Variants in CCNB3 observed in about 807,000 individuals in gnomAD.
CCNB3 encodes G2/mitotic-specific cyclin-B3.
A neutral mutation model predicts 68.0 loss-of-function variants in CCNB3; 12 were observed. That is an observed-to-expected ratio of 0.18 (90% CI 0.11 to 0.29). CCNB3 has a LOEUF of 0.29. Among genes scored for constraint, CCNB3 ranks in the 10% least tolerant of loss-of-function variants. The probability of loss-of-function intolerance (pLI) is 1.00; values close to 1 mark genes in which losing one functional copy is unlikely to be tolerated. For missense variants in CCNB3, 904 were observed against 993.1 expected (o/e 0.91, Z 1.21); for synonymous variants, 354 against 388.9 (o/e 0.91, Z 1.06).
chrX:50,309,291 C>T lies in CCNB3; in HGVS notation c.1122C>T (p.Ser374=). ...KESLAFKKKP[S]TEEAIMMPVI... is the part of the protein sequence containing the mutation. ...CGTTAGCCTTTAAGAAGAAGCCTAG[C>T]ACTGAGGAGGCAATCATGATGCCAG... Residue 374 remains serine, a synonymous_variant, in exon 6 of 13, where the codon AGC becomes AGT. Coordinates refer to ENST00000376042, the MANE Select transcript of CCNB3 (RefSeq NM_033031.3). The T allele has an allele frequency of 8.3e-7, 1 of 1,211,232 alleles. No individual in the cohort carries two copies.
At position 50,227,676 on chromosome X, in the gene CCNB3, AAT is replaced by A. The variant is rs1351753326; in HGVS notation, c.-113+22736_-113+22737del. Among the ~76,000 whole-genome samples, 289 of 95,563 alleles carry A rather than the reference AAT, an allele frequency of 3.0e-3. 2 individuals carry two copies. Among genetic ancestry groups the A allele is most frequent in the African/African-American group, 9.7e-3 (262 of 27,029 alleles). The allele number at this position is 95,563 out of a possible 115,157, so 83.0% of individuals were successfully genotyped here. On this transcript the variant is annotated intron_variant, in intron 1 of 12. Coordinates refer to ENST00000376042, the MANE Select transcript of CCNB3 (RefSeq NM_033031.3). ...TATATATAAAAATATATATAGAGAG[AAT>A]ATATATATAAATATATATAGAGAGA...
At chrX:50,299,586 G>A (rs1410071053) in intron 5 of CCNB3, among the ~76,000 whole-genome samples, 1 of 111,153 alleles carries the variant, frequency 9.0e-6, no homozygotes, top group Non-Finnish European at 1.9e-5. Context: ...GTGTGGTGTG[G>A]TGCTGAAAAG....
intron 4 of CCNB3, among the ~76,000 whole-genome samples, chrX:50,293,556 A>C (rs1428274916): frequency 9.0e-6 from 1 of 111,581 alleles, no homozygotes; most frequent in Non-Finnish European, 1.9e-5. Flanking sequence ...ATGCAGCTTC[A>C]ATTTCAATAC....
chrX:50,211,253 A>G, intron 1 of CCNB3, among the ~76,000 whole-genome samples: 1 of 111,308 alleles, frequency 9.0e-6, no homozygotes, highest in Non-Finnish European at 1.9e-5. Context: ...ACAGAGCAAG[A>G]CTCTGTCTCA....
chrX:50,322,983 G>C (rs374459188), intron 8 of CCNB3, among the ~76,000 whole-genome samples: 1 of 111,574 alleles, frequency 9.0e-6, no homozygotes, highest in African/African-American at 3.3e-5. Flanking sequence ...ACTGTAAACT[G>C]GTTCAACCAT....
At chrX:50,287,095 TATAACAGCTCTCTGACAC>T (rs1355256653) in intron 3 of CCNB3, among the ~76,000 whole-genome samples, 1 of 112,277 alleles carries the variant, frequency 8.9e-6, no homozygotes, top group African/African-American at 3.2e-5. Flanking sequence ...TGCTTCACAT[TATAACAGCTCTCTGACAC>T]AGGTAGGGCG....
chrX:50,312,474 G>A, intron 6 of CCNB3, 63 bp from the exon 7 acceptor site: 3 of 871,396 alleles, frequency 3.4e-6, no homozygotes. Flanking sequence ...TCATTGATAT[G>A]TATGTGCTAA....
intron 1 of CCNB3, among the ~76,000 whole-genome samples, chrX:50,279,922 T>G (rs1936081722): frequency 1.2e-5 from 1 of 86,413 alleles, no homozygotes; most frequent in African/African-American, 4.5e-5. Flanking sequence ...AAAATATATA[T>G]AGAATAAATA....
At chrX:50,351,413 T>C in intron 12 of CCNB3, 42 bp downstream of exon 12, 1 of 1,197,094 alleles carries the variant, frequency 8.4e-7, no homozygotes, top group Non-Finnish European at 1.1e-6. Flanking sequence ...TGTGTTCATT[T>C]ATTGGGAGGC....
intron 8 of CCNB3, among the ~76,000 whole-genome samples, chrX:50,325,913 T>TA (rs1299268633): frequency 9.0e-6 from 1 of 111,453 alleles, no homozygotes; most frequent in Non-Finnish European, 1.9e-5. Flanking sequence ...GTTTTTTTTT[T>TA]ATTATCCTTT....
At chrX:50,340,478 A>G (rs968731799) in intron 8 of CCNB3, among the ~76,000 whole-genome samples, 1 of 112,225 alleles carries the variant, frequency 8.9e-6, no homozygotes, top group African/African-American at 3.2e-5. Context: ...ATCACTGAAG[A>G]TTGGATGGGA....
intron 2 of CCNB3, 74 bp downstream of exon 2, chrX:50,284,690 G>T: frequency 8.0e-6 from 1 of 125,014 alleles, no homozygotes; most frequent in Non-Finnish European, 1.6e-5. Flanking sequence ...AAGAACATTG[G>T]CTCTACCAGC....
chrX:50,280,409 T>C (rs1490418109), intron 1 of CCNB3, among the ~76,000 whole-genome samples: 1 of 107,968 alleles, frequency 9.3e-6, no homozygotes, highest in Admixed American at 1.0e-4. Flanking sequence ...ATGAAATGAA[T>C]GAGATATTGA....
intron 1 of CCNB3, among the ~76,000 whole-genome samples, chrX:50,220,987 C>T (rs1935662484): frequency 9.0e-6 from 1 of 111,151 alleles, no homozygotes; most frequent in African/African-American, 3.3e-5. Context: ...CGATTTCTTC[C>T]TTGTTTAGTC....
In CCNB3 at chrX:50,222,380, G is replaced by A. The variant is rs1437820173; in HGVS notation, c.-113+17430G>A. On this transcript the variant is annotated intron_variant, in intron 1 of 12. Coordinates refer to ENST00000376042, the MANE Select transcript of CCNB3 (RefSeq NM_033031.3). ...TAGTGTTGATGTTCTTTACAATTTG[G>A]TATATTTTTGCAGTGGCTGGTACTG... Among the ~76,000 whole-genome samples, 6 of 111,472 alleles carry A rather than the reference G, an allele frequency of 5.4e-5. No homozygotes were observed. In the Admixed American group the frequency reaches 5.8e-4, roughly 11 times the overall value.
chrX:50,351,021 C>T (rs1429494632), intron 11 of CCNB3, among the ~76,000 whole-genome samples: 4 of 111,494 alleles, frequency 3.6e-5, no homozygotes, highest in African/African-American at 6.5e-5. Context: ...CTAACTGGTA[C>T]GTATGGATAT....
At chrX:50,222,781 C>G (rs1935693210) in intron 1 of CCNB3, among the ~76,000 whole-genome samples, 1 of 110,760 alleles carries the variant, frequency 9.0e-6, no homozygotes. Flanking sequence ...TTGTGGTGTT[C>G]TCTGTATTTC....
chrX:50,288,463 G>T (rs1369621969), intron 3 of CCNB3, among the ~76,000 whole-genome samples: 1 of 111,209 alleles, frequency 9.0e-6, no homozygotes, highest in Non-Finnish European at 1.9e-5. Flanking sequence ...CCTTGGATAG[G>T]ATAACCGTAA....
intron 3 of CCNB3, among the ~76,000 whole-genome samples, chrX:50,286,937 C>T (rs781948290): frequency 2.7e-5 from 3 of 112,496 alleles, no homozygotes; most frequent in South Asian, 3.6e-4. Flanking sequence ...CGTGAGCCGC[C>T]GCGTCGGGCT....
Sources: gnomAD v4.1 joint callset for allele counts (sites outside exome capture counted in the v4.1 genomes callset) on GRCh38, gnomAD v4.1.1 for gene constraint, MANE v1.5 for transcripts, NCBI Gene and HGNC (gene_info 2026-07-23, HGNC 2026-07-21) for gene names.